The following FAM167A variants were observed in gnomAD, a reference collection of about 807,000 sequenced individuals.
FAM167A encodes protein FAM167A.
In FAM167A, 23 loss-of-function variants were observed where a neutral mutation model predicts 14.9. The ratio of observed to expected loss-of-function variants is 1.55; its 90% CI spans 1.11 to 2.19. The LOEUF (loss-of-function observed/expected upper bound fraction) is 2.19, where lower values mean the gene tolerates loss of function less well. FAM167A is among the 30% of genes most tolerant of loss of function. The probability of loss-of-function intolerance (pLI) is 0.00; values close to 1 mark genes in which losing one functional copy is unlikely to be tolerated. For synonymous variants in FAM167A, 174 were observed against 117.7 expected, an observed-to-expected ratio of 1.48 and a Z score of -3.10; for missense variants, 401 against 281.5, an observed-to-expected ratio of 1.42 and a Z score of -3.04.
chr8:11,445,683 C>T (rs1806744366), intron 1 of FAM167A: 1 of 926,656 alleles, frequency 1.1e-6, no homozygotes, highest in Non-Finnish European at 1.3e-6. Context: ...AGAAATCTAA[C>T]TCCCAGTAAG....
rs1302946608 is a variant in FAM167A at position 11,424,270 on chromosome 8, C to A, written c.*103G>T. On this transcript the variant is annotated 3_prime_UTR_variant, in exon 3 of 3. Transcript: ENST00000284486. ...CTTGAGTCGCCAGTCCCAGGGACCC[C>A]TGCCTCCGGGAGACCCACTGGAGTA... 1 of 1,509,960 alleles carries A rather than the reference C, an allele frequency of 6.6e-7. No individual in the cohort carries two copies. The highest frequency in any genetic ancestry group is 2.3e-5 in the East Asian group (1 of 43,754). The allele number at this position is 1,509,960 out of a possible 1,614,324, so 93.5% of individuals were successfully genotyped here. A position where few individuals can be genotyped will look rare whatever the true frequency, so the allele number is the denominator to read the frequency against.
In FAM167A at chr8:11,421,579, C is replaced by T. The variant is rs184286437; in HGVS notation, c.*2794G>A. The T allele has an allele frequency of 2.5e-6, 1 of 397,528 alleles. No homozygotes were observed. Among genetic ancestry groups the T allele is most frequent in the Admixed American group, 4.4e-5 (1 of 22,692 alleles). 24.6% of individuals were successfully genotyped at this position (397,528 alleles called of 1,614,324 possible). On this transcript the variant is annotated 3_prime_UTR_variant, in exon 3 of 3. Transcript: ENST00000284486. ...ATAAAAAATAAAAGTATAAATCGTCCATTGATTATGTAATAGCACTTGGTA... is the reference window on the plus strand; with the variant it reads ...ATAAAAAATAAAAGTATAAATCGTCTATTGATTATGTAATAGCACTTGGTA...
chr8:11,473,736 G>T (rs1797784724), intron 1 of FAM167A, among the ~76,000 whole-genome samples: 1 of 152,160 alleles, frequency 6.6e-6, no homozygotes, highest in Non-Finnish European at 1.5e-5. Context: ...CTACACATTG[G>T]CAGTACCAAG....
At chr8:11,450,309 G>C (rs997059383) in intron 1 of FAM167A, among the ~76,000 whole-genome samples, 8 of 152,202 alleles carry the variant, frequency 5.3e-5, no homozygotes, top group Non-Finnish European at 8.8e-5. Flanking sequence ...CGCAACATTA[G>C]CTAATGCTTA....
At chr8:11,435,987 C>T (rs972068580) in intron 2 of FAM167A, among the ~76,000 whole-genome samples, 3 of 152,226 alleles carry the variant, frequency 2.0e-5, no homozygotes, top group Non-Finnish European at 2.9e-5. Context: ...TGCCCCAGCT[C>T]CTGGGTGCCG....
At chr8:11,441,346 G>A (rs140189877) in intron 2 of FAM167A, among the ~76,000 whole-genome samples, 1 of 152,322 alleles carries the variant, frequency 6.6e-6, no homozygotes, top group East Asian at 1.9e-4. Context: ...GTGTGGCCCA[G>A]GGACTAACAG....
At chr8:11,437,759 G>C (rs1231468719) in intron 2 of FAM167A, among the ~76,000 whole-genome samples, 1 of 152,170 alleles carries the variant, frequency 6.6e-6, no homozygotes, top group South Asian at 2.1e-4. Context: ...TGTTATAATG[G>C]GGAGGGTGCC....
chr8:11,429,042 T>C (rs566085982), intron 2 of FAM167A, among the ~76,000 whole-genome samples: 5 of 138,634 alleles, frequency 3.6e-5, no homozygotes, highest in South Asian at 2.3e-4. Flanking sequence ...TACATTCACG[T>C]TGTCGCGCAA....
chr8:11,465,050 C>A (rs1471733847), intron 1 of FAM167A, among the ~76,000 whole-genome samples: 1 of 152,092 alleles, frequency 6.6e-6, no homozygotes, highest in Admixed American at 6.5e-5. Context: ...AGGAGGAGAA[C>A]AGGGTGTGGG....
Position 11,422,370 on chromosome 8 carries a change from G to GTGTGTGTGTGT in FAM167A, c.*2002_*2003insACACACACACA, listed in dbSNP as rs1491432187. The GTGTGTGTGTGT allele has an allele frequency of 9.0e-6, 1 of 111,588 alleles. No individual in the cohort carries two copies. Among genetic ancestry groups the GTGTGTGTGTGT allele is most frequent in the Non-Finnish European group, 1.7e-5 (1 of 57,514 alleles). 6.9% of individuals were successfully genotyped at this position (111,588 alleles called of 1,614,324 possible). On this transcript the variant is annotated 3_prime_UTR_variant, in exon 3 of 3. Transcript: ENST00000284486. ...TGTTCTCTGTCGTGTGTGTGTGTGT[G>GTGTGTGTGTGT]GGGGTGTGTGTGTGTGTGTGTGTGT...
intron 1 of FAM167A, among the ~76,000 whole-genome samples, chr8:11,453,013 C>T (rs1807087638): frequency 6.6e-6 from 1 of 152,146 alleles, no homozygotes; most frequent in Non-Finnish European, 1.5e-5. Flanking sequence ...ATCACGGCTG[C>T]CCCCATTCCC....
At chr8:11,438,299 T>A (rs1337020327) in intron 2 of FAM167A, 5 of 400,892 alleles carry the variant, frequency 1.2e-5, no homozygotes, top group Non-Finnish European at 2.5e-5. Flanking sequence ...GACCTCCCGG[T>A]TGGGGTCAGC....
chr8:11,432,219 C>T (rs553931657), intron 2 of FAM167A, among the ~76,000 whole-genome samples: 2 of 152,198 alleles, frequency 1.3e-5, no homozygotes, highest in Admixed American at 6.5e-5. Context: ...GGGTCTAAAA[C>T]GGCCCAAAGA....
chr8:11,444,231 G>C lies in FAM167A; in HGVS notation c.181C>G (p.Pro61Ala), dbSNP rs774822079. 1.2e-6 allele frequency: 2 copies of C among 1,612,092 alleles called. No individual in the cohort carries two copies. Among genetic ancestry groups the C allele is most frequent in the African/African-American group, 2.7e-5 (2 of 75,020 alleles). The part of the protein sequence containing the change: ...ARLEEHTWPF[P>A]RPAAEPQASL... Reference sequence around the variant, plus strand: ...GCCTGTGGCTCCGCAGCCGGCCTCGGGAAGGGCCAGGTATGCTCCTCCAGC... The same window carrying C: ...GCCTGTGGCTCCGCAGCCGGCCTCGCGAAGGGCCAGGTATGCTCCTCCAGC... Residue 61 changes from proline to alanine, a missense_variant, in exon 2 of 3, where the codon CCG (proline) becomes GCG (alanine). Physicochemically the swap from Pro to Ala is conservative, Grantham distance 27. Transcript: ENST00000284486.
chr8:11,445,827 A>AG (rs969481451), intron 1 of FAM167A, among the ~76,000 whole-genome samples: 1 of 151,892 alleles, frequency 6.6e-6, no homozygotes, highest in Non-Finnish European at 1.5e-5. Context: ...GTTTTAAAAA[A>AG]AAAAATCTGT....
chr8:11,473,126 C>T (rs1808010930), intron 1 of FAM167A, among the ~76,000 whole-genome samples: 1 of 152,210 alleles, frequency 6.6e-6, no homozygotes, highest in Non-Finnish European at 1.5e-5. Context: ...TTATGGAAGC[C>T]AGGACAGGGA....
chr8:11,468,470 A>C (rs1238594679), upstream of FAM167A, among the ~76,000 whole-genome samples: 2 of 152,172 alleles, frequency 1.3e-5, no homozygotes, highest in African/African-American at 2.4e-5. Context: ...TTTACCTGTG[A>C]GGTTATTTGA....
intron 2 of FAM167A, among the ~76,000 whole-genome samples, chr8:11,425,041 T>TA (rs1038543385): frequency 1.3e-5 from 2 of 152,154 alleles, no homozygotes; most frequent in African/African-American, 4.8e-5. Flanking sequence ...TTGGGAAAGG[T>TA]ATATGGGGGC....
intron 1 of FAM167A, among the ~76,000 whole-genome samples, chr8:11,456,784 G>T (rs995113813): frequency 6.0e-5 from 9 of 149,664 alleles, no homozygotes. Context: ...AGGGGAGTGC[G>T]GCTGGCTAAG....
Sources: allele counts gnomAD v4.1 joint callset (sites outside exome capture counted in the v4.1 genomes callset), GRCh38; gene constraint gnomAD v4.1.1; transcripts MANE v1.5; gene names NCBI Gene and HGNC (gene_info 2026-07-23, HGNC 2026-07-21).